The following RBPMS variants were observed in gnomAD, a reference collection of about 807,000 sequenced individuals.
RBPMS encodes the protein RNA-binding protein with multiple splicing.
In RBPMS, 7 loss-of-function variants were observed where a neutral mutation model predicts 26.8. That is an observed-to-expected ratio of 0.26 (90% CI 0.15 to 0.49). RBPMS has a LOEUF of 0.49. Among genes scored for constraint, RBPMS ranks in the 20% least tolerant of loss-of-function variants. The pLI, the probability that RBPMS is intolerant of heterozygous loss-of-function variation, is 0.98. For missense variants in RBPMS, 186 were observed against 250.0 expected, an observed-to-expected ratio of 0.74 and a Z score of 1.73; for synonymous variants, 96 against 93.3, an observed-to-expected ratio of 1.03 and a Z score of -0.17.
intron 8 of RBPMS, among the ~76,000 whole-genome samples, chr8:30,569,451 C>G (rs1315176453): frequency 2.0e-5 from 3 of 152,164 alleles, no homozygotes; most frequent in African/African-American, 7.2e-5. Flanking sequence ...TTCTGAAAGA[C>G]AGTGTGGCCT....
At position 30,549,502 on chromosome 8, in the gene RBPMS, C is replaced by T; in HGVS notation, c.528+4878C>T. On this transcript the variant is annotated intron_variant, in intron 6 of 8. Transcript: ENST00000397323. ...TACCTTTTCCTCTCAACCTGCAGCTCTGTGAAGGTCAGACTGTGAGGAGAA... is the reference window on the plus strand; with the variant it reads ...TACCTTTTCCTCTCAACCTGCAGCTTTGTGAAGGTCAGACTGTGAGGAGAA... 3.1e-6 allele frequency: 5 copies of T among 1,612,010 alleles called. 1 individual carries two copies. The highest frequency in any genetic ancestry group is 1.7e-5 in the Admixed American group (1 of 60,024).
At chr8:30,413,395 TTCTC>T (rs1202543642) in intron 1 of RBPMS, among the ~76,000 whole-genome samples, 1 of 151,992 alleles carries the variant, frequency 6.6e-6, no homozygotes, top group East Asian at 1.9e-4. Context: ...TGATCCCTAT[TTCTC>T]TCTCTGGAAG....
intron 1 of RBPMS, among the ~76,000 whole-genome samples, chr8:30,437,889 G>A (rs1812643323): frequency 6.6e-6 from 1 of 151,420 alleles, no homozygotes; most frequent in African/African-American, 2.4e-5. Flanking sequence ...AACCTGGGAG[G>A]TGGAGGTTGC....
At chr8:30,453,664 C>G (rs941133249) in intron 1 of RBPMS, 5 of 152,156 alleles carry the variant, frequency 3.3e-5, no homozygotes, top group Non-Finnish European at 5.9e-5. Context: ...ACAAAAGGGT[C>G]TAATTTTTCT....
intron 1 of RBPMS, among the ~76,000 whole-genome samples, chr8:30,465,917 T>C (rs1816442517): frequency 6.6e-6 from 1 of 152,216 alleles, no homozygotes; most frequent in Admixed American, 6.5e-5. Context: ...AGTGCTAACT[T>C]GCTGTCCGTA....
intron 8 of RBPMS, among the ~76,000 whole-genome samples, chr8:30,568,884 C>T (rs1401359257): frequency 6.6e-6 from 1 of 151,988 alleles, no homozygotes; most frequent in African/African-American, 2.4e-5. Flanking sequence ...TGACTACATT[C>T]CTTTCCCATG....
chr8:30,541,018 G>A (rs1030028638), intron 5 of RBPMS, among the ~76,000 whole-genome samples: 2 of 152,140 alleles, frequency 1.3e-5, no homozygotes, highest in Non-Finnish European at 2.9e-5. Context: ...AGTTGCTATG[G>A]AATATTTCCA....
chr8:30,545,774 C>T (rs1337625867), intron 6 of RBPMS, among the ~76,000 whole-genome samples: 4 of 152,126 alleles, frequency 2.6e-5, no homozygotes, highest in African/African-American at 9.7e-5. Flanking sequence ...GTTACCAACA[C>T]GTTGTGCGTG....
chr8:30,568,822 GA>G (rs1392419241), intron 8 of RBPMS, among the ~76,000 whole-genome samples: 22 of 151,780 alleles, frequency 1.4e-4, no homozygotes, highest in African/African-American at 5.4e-4. Context: ...TACAGGGACT[GA>G]AATAGCCACA....
chr8:30,487,583 TA>T (rs1028182523), intron 4 of RBPMS, among the ~76,000 whole-genome samples: 3 of 152,144 alleles, frequency 2.0e-5, no homozygotes, highest in South Asian at 4.1e-4. Flanking sequence ...ATGGATGTGT[TA>T]AAAAATTTTA....
intron 1 of RBPMS, among the ~76,000 whole-genome samples, chr8:30,468,990 C>G (rs16877059): frequency 0.018 from 2,733 of 152,250 alleles, 68 homozygotes; most frequent in African/African-American, 0.061. Context: ...ACCTCAAGAG[C>G]CCAGCTCAGA....
intron 1 of RBPMS, among the ~76,000 whole-genome samples, chr8:30,441,006 A>C (rs1311142793): frequency 7.6e-6 from 1 of 131,128 alleles, no homozygotes; most frequent in South Asian, 2.4e-4. Flanking sequence ...TTTGGCTTTT[A>C]ATTTTTTTGT....
intron 5 of RBPMS, among the ~76,000 whole-genome samples, chr8:30,535,306 A>G (rs1023404623): frequency 1.2e-4 from 19 of 152,218 alleles, no homozygotes; most frequent in Admixed American, 1.1e-3. Flanking sequence ...TGTGTGCCAG[A>G]CATATGTGCT....
chr8:30,425,547 G>A (rs1053982103), intron 1 of RBPMS, among the ~76,000 whole-genome samples: 5 of 151,938 alleles, frequency 3.3e-5, no homozygotes, highest in African/African-American at 1.2e-4. Flanking sequence ...ATTAAGGCAT[G>A]TGCCACCACG....
intron 5 of RBPMS, among the ~76,000 whole-genome samples, chr8:30,511,943 C>T (rs1391802581): frequency 6.6e-6 from 1 of 152,124 alleles, no homozygotes; most frequent in African/African-American, 2.4e-5. Context: ...TTTTGGTGTA[C>T]TTTTTTCTCT....
In RBPMS at chr8:30,506,648, A is replaced by C. The variant is rs565896923; in HGVS notation, c.397+2212A>C. Among the ~76,000 whole-genome samples, 5 of 152,316 alleles carry C rather than the reference A, an allele frequency of 3.3e-5. No homozygotes were observed. In the South Asian group the frequency reaches 1.0e-3, roughly 32 times the overall value. ...CTCAAGGTGGTCAGTTTAACTACTT[A>C]TCAGGTGTAGAATATAATGGAATTG... On this transcript the variant is annotated intron_variant, in intron 5 of 8. Coordinates refer to ENST00000397323, the MANE Select transcript of RBPMS (RefSeq NM_001008710.3).
chr8:30,448,597 C>G (rs1814152173), intron 1 of RBPMS, among the ~76,000 whole-genome samples: 1 of 152,198 alleles, frequency 6.6e-6, no homozygotes, highest in Non-Finnish European at 1.5e-5. Context: ...TGTGTAAAAA[C>G]TAGAAAAAGT....
intron 6 of RBPMS, chr8:30,547,412 C>T (rs1336509424): frequency 1.3e-6 from 2 of 1,599,440 alleles, no homozygotes; most frequent in Admixed American, 3.6e-5. Flanking sequence ...GCAGAGGGAG[C>T]TCCCATGTTG....
At chr8:30,389,834 A>C (rs1157734784) in intron 1 of RBPMS, among the ~76,000 whole-genome samples, 3 of 152,154 alleles carry the variant, frequency 2.0e-5, no homozygotes, top group Non-Finnish European at 4.4e-5. Context: ...TGTATTATAC[A>C]TATGTGGTTA....
Sources: allele counts gnomAD v4.1 joint callset (sites outside exome capture counted in the v4.1 genomes callset), GRCh38; gene constraint gnomAD v4.1.1; transcripts MANE v1.5; gene names NCBI Gene and HGNC (gene_info 2026-07-23, HGNC 2026-07-21).